Variants in IRF8 observed in about 807,000 individuals in gnomAD.
The protein encoded by IRF8 is interferon consensus sequence binding protein 1.
A neutral mutation model predicts 48.7 loss-of-function variants in IRF8; 14 were observed. The ratio of observed to expected loss-of-function variants is 0.29; its 90% CI spans 0.19 to 0.45. The LOEUF is 0.45. IRF8 is among the 20% of genes least tolerant of loss of function. The pLI is 1.00. For missense variants in IRF8, 493 were observed against 580.7 expected (o/e 0.85, Z 1.55); for synonymous variants, 278 against 227.3 (o/e 1.22, Z -2.01).
chr16:85,905,222 G>A (rs1340861458), intron 2 of IRF8, among the ~76,000 whole-genome samples: 4 of 152,226 alleles, frequency 2.6e-5, no homozygotes, highest in Non-Finnish European at 5.9e-5. Context: ...TGAAGGCACA[G>A]TTGCAGGTTG....
rs1597256654 is a variant in IRF8 at position 85,918,481 on chromosome 16, C to T, written c.666C>T (p.Thr222=). ...GGKLVGQATT[T]CPEGCRLSLS... is the part of the protein sequence containing the mutation. ...AGCTGGTGGGCCAGGCCACCACCAC[C>T]TGCCCCGAGGGCTGCCGCCTGTCCC... Residue 222 remains threonine, a synonymous_variant, in exon 7 of 9, where the codon ACC becomes ACT. Transcript: ENST00000268638. 1.9e-6 allele frequency: 3 copies of T among 1,590,816 alleles called. No homozygotes were observed. The highest frequency in any genetic ancestry group is 3.4e-5 in the Admixed American group (2 of 59,650).
chr16:85,906,974 A>G (rs1905024874), intron 2 of IRF8, among the ~76,000 whole-genome samples: 3 of 152,206 alleles, frequency 2.0e-5, no homozygotes, highest in East Asian at 1.9e-4. Flanking sequence ...TTGAAACTAC[A>G]GTTGATTTAG....
At chr16:85,914,634 A>C in intron 6 of IRF8, 114 bp downstream of exon 6, 1 of 1,219,768 alleles carries the variant, frequency 8.2e-7, no homozygotes, top group East Asian at 2.5e-5. Flanking sequence ...GTGGAAGTCT[A>C]GGCCTGGTTC....
Position 85,921,975 on chromosome 16 carries a change from T to A in IRF8, c.*693T>A, listed in dbSNP as rs1024627627. The A allele has an allele frequency of 1.3e-5, 2 of 152,466 alleles. No individual in the cohort carries two copies. The highest frequency in any genetic ancestry group is 4.8e-5 in the African/African-American group (2 of 41,462). 9.4% of individuals were successfully genotyped at this position (152,466 alleles called of 1,614,324 possible). A position where few individuals can be genotyped will look rare whatever the true frequency, so the allele number is the denominator to read the frequency against. ...TTGCCAGGAAGATTAGAACTAAATT[T>A]ATTTTTTTCATTTCTGTCATGAAAT... On this transcript the variant is annotated 3_prime_UTR_variant, in exon 9 of 9. Coordinates refer to ENST00000268638, the MANE Select transcript of IRF8 (RefSeq NM_002163.4).
At chr16:85,899,781 T>G (rs1904768151) in intron 1 of IRF8, among the ~76,000 whole-genome samples, 1 of 152,204 alleles carries the variant, frequency 6.6e-6, no homozygotes. Flanking sequence ...AGAGTCTGTA[T>G]ATGGGCCACA....
chr16:85,916,039 C>A (rs907500804), intron 6 of IRF8, among the ~76,000 whole-genome samples: 4 of 152,156 alleles, frequency 2.6e-5, no homozygotes, highest in African/African-American at 9.7e-5. Context: ...CTGGGCACAG[C>A]ACCTGATATG....
chr16:85,904,638 G>A, intron 2 of IRF8, among the ~76,000 whole-genome samples: 1 of 152,010 alleles, frequency 6.6e-6, no homozygotes, highest in African/African-American at 2.4e-5. Context: ...TGGGGACAAG[G>A]GAACGCTTTG....
chr16:85,900,772 C>T (rs925001230), intron 1 of IRF8, among the ~76,000 whole-genome samples: 1 of 152,194 alleles, frequency 6.6e-6, no homozygotes, highest in Non-Finnish European at 1.5e-5. Flanking sequence ...TTACTCTTCT[C>T]TTTTTCCTTT....
chr16:85,915,182 C>T (rs2143029337), intron 6 of IRF8, among the ~76,000 whole-genome samples: 1 of 152,214 alleles, frequency 6.6e-6, no homozygotes, highest in African/African-American at 2.4e-5. Flanking sequence ...TGTGTGTAGT[C>T]TCAGCGGCTA....
At chr16:85,911,983 C>T (rs1371735250) in intron 4 of IRF8, among the ~76,000 whole-genome samples, 1 of 152,242 alleles carries the variant, frequency 6.6e-6, no homozygotes, top group Non-Finnish European at 1.5e-5. Context: ...TTTTAAATGG[C>T]ATCGTGAATT....
chr16:85,914,364 C>G (rs930873701), intron 5 of IRF8, 109 bp from the exon 6 acceptor site: 12 of 1,283,868 alleles, frequency 9.3e-6, no homozygotes, highest in Admixed American at 3.5e-5. Flanking sequence ...GAGCCTCTGG[C>G]ACGCCATGTG....
intron 2 of IRF8, among the ~76,000 whole-genome samples, chr16:85,904,232 C>A (rs886875791): frequency 2.6e-5 from 4 of 151,980 alleles, no homozygotes; most frequent in African/African-American, 9.7e-5. Context: ...TGTGCTTATT[C>A]TCTTGCATTT....
chr16:85,907,420 C>A (rs550466029), intron 2 of IRF8, among the ~76,000 whole-genome samples: 505 of 152,396 alleles, frequency 3.3e-3, no homozygotes, highest in Non-Finnish European at 6.2e-3. Flanking sequence ...TGGCTCACGC[C>A]TGTAAGCCCA....
intron 8 of IRF8, among the ~76,000 whole-genome samples, 177 bp from the exon 9 acceptor site, chr16:85,920,929 G>A (rs942402764): frequency 1.3e-5 from 2 of 152,184 alleles, no homozygotes; most frequent in Non-Finnish European, 2.9e-5. Flanking sequence ...GACAGTACTG[G>A]GGAGTATGGA....
At position 85,921,287 on chromosome 16, in the gene IRF8, G is replaced by T; in HGVS notation, c.*5G>T. 2 of 1,613,268 alleles carry T rather than the reference G, an allele frequency of 1.2e-6. No homozygotes were observed. The highest frequency in any genetic ancestry group is 1.1e-5 in the South Asian group (1 of 91,086). ...AACCAACAGATCACCGTCTAAGTGC[G>T]TCGCTTGGGCGCCCCACCCCGTCTG... On this transcript the variant is annotated 3_prime_UTR_variant, in exon 9 of 9. Coordinates refer to ENST00000268638, the MANE Select transcript of IRF8 (RefSeq NM_002163.4).
At chr16:85,914,544 G>A in intron 6 of IRF8, 24 bp downstream of exon 6, 2 of 1,613,712 alleles carry the variant, frequency 1.2e-6, no homozygotes, top group East Asian at 2.2e-5. Context: ...CGGGCTGAGA[G>A]GGGCGTGGGC....
At chr16:85,904,902 G>C (rs1030332051) in intron 2 of IRF8, among the ~76,000 whole-genome samples, 6 of 143,754 alleles carry the variant, frequency 4.2e-5, no homozygotes, top group African/African-American at 1.6e-4. Flanking sequence ...GTCCCATTCA[G>C]TCGGTTGGGA....
At chr16:85,914,167 T>G in intron 5 of IRF8, 2 of 441,690 alleles carry the variant, frequency 4.5e-6, no homozygotes, top group Non-Finnish European at 8.5e-6. Flanking sequence ...AGTGGTATTC[T>G]GGGGGTAAGT....
chr16:85,907,488 G>A (rs1318321384), intron 2 of IRF8, among the ~76,000 whole-genome samples: 1 of 152,156 alleles, frequency 6.6e-6, no homozygotes, highest in East Asian at 1.9e-4. Context: ...GACCATCCTG[G>A]CCAACATGGT....
Sources: allele counts gnomAD v4.1 joint callset (sites outside exome capture counted in the v4.1 genomes callset), GRCh38; gene constraint gnomAD v4.1.1; transcripts MANE v1.5; gene names NCBI Gene and HGNC (gene_info 2026-07-23, HGNC 2026-07-21).